ZSWIM4: variants seen among roughly 807,000 people sequenced by gnomAD.
The protein encoded by ZSWIM4 is zinc finger SWIM-type containing 4, also known as zinc finger SWIM domain-containing protein 4.
In ZSWIM4, 62 loss-of-function variants were observed where a neutral mutation model predicts 102.5. The observed-to-expected ratio is 0.60, with a 90% CI of 0.49 to 0.75. The LOEUF is 0.75. Ranked by LOEUF, ZSWIM4 falls within the 30% of genes least tolerant of loss-of-function variation. ZSWIM4 has a pLI of 0.00. For missense variants in ZSWIM4, 1,280 were observed against 1,529.6 expected (o/e 0.84, Z 2.72); for synonymous variants, 652 against 674.5 (o/e 0.97, Z 0.52).
chr19:13,817,901 G>A lies in ZSWIM4; in HGVS notation c.1849G>A (p.Ala617Thr), dbSNP rs902321965. 1.3e-6 allele frequency: 2 copies of A among 1,549,038 alleles called. No homozygotes were observed. Among genetic ancestry groups the A allele is most frequent in the Admixed American group, 2.0e-5 (1 of 50,818 alleles). Residue 617 changes from alanine (A) to threonine (T), a missense_variant, in exon 9 of 14, where the codon GCC becomes ACC. Coordinates refer to ENST00000590508, the MANE Select transcript of ZSWIM4 (RefSeq NM_001367834.3). The stretch of plus-strand genomic sequence containing the variant: ...GGTGCGCAACGAGGAGCAGCTGCTG[G>A]CCCTGCTGGAGGAGGTGGAGTTGGA... ...KVVRNEEQLLALLEEVELDER... is the reference protein window; with the variant it reads ...KVVRNEEQLLTLLEEVELDER...
In ZSWIM4 at chr19:13,817,763, C is replaced by T; in HGVS notation, c.1711C>T (p.Pro571Ser). Residue 571 changes from proline to serine, a missense_variant, in exon 9 of 14, where the codon CCT (proline) becomes TCT (serine). Pro to Ser is a moderately conservative substitution (Grantham distance 74). Transcript: ENST00000590508. The part of the protein sequence containing the change: ...EKRKVAYQHV[P>S]VPGSPGESYL... Reference sequence around the variant, plus strand: ...GCGGAAGGTGGCCTACCAGCACGTGCCTGTGCCCGGGAGCCCTGGGGAGTC... The same window carrying T: ...GCGGAAGGTGGCCTACCAGCACGTGTCTGTGCCCGGGAGCCCTGGGGAGTC... 1 of 1,604,766 alleles carries T rather than the reference C, an allele frequency of 6.2e-7. No individual in the cohort carries two copies. The highest frequency in any genetic ancestry group is 8.5e-7 in the Non-Finnish European group (1 of 1,176,796).
chr19:13,830,713 T>C lies in ZSWIM4; in HGVS notation c.2984T>C (p.Met995Thr), dbSNP rs998118741. The C allele has an allele frequency of 5.0e-6, 8 of 1,608,342 alleles. No homozygotes were observed. Among genetic ancestry groups the C allele is most frequent in the East Asian group, 2.2e-5 (1 of 44,810 alleles). The change falls in exon 14 of 14, where the codon ATG (methionine) becomes ACG (threonine). Residue 995 changes from methionine to threonine, a missense_variant. By Grantham distance (81) the Met-to-Thr change is moderately conservative. Transcript: ENST00000590508. ...ATTCGCAGCATCCACTGTGCCCCAA[T>C]GCTGTCCGATATTCTGCGCCGCTGG... is the stretch of plus-strand genomic sequence containing the variant. ...LIIRSIHCAPMLSDILRRWTL... is the reference protein window; with the variant it reads ...LIIRSIHCAPTLSDILRRWTL...
At chr19:13,820,534 C>G (rs1975434693) in intron 10 of ZSWIM4, among the ~76,000 whole-genome samples, 1 of 152,184 alleles carries the variant, frequency 6.6e-6, no homozygotes, top group Non-Finnish European at 1.5e-5. Flanking sequence ...CTGCACCTGG[C>G]TAAATGTGTA....
chr19:13,825,586 T>A lies in ZSWIM4; in HGVS notation c.2252T>A (p.Ile751Asn). 6.2e-7 allele frequency: 1 copy of A among 1,614,172 alleles called. No individual in the cohort carries two copies. The highest frequency in any genetic ancestry group is 8.5e-7 in the Non-Finnish European group (1 of 1,180,028). ...PKWLHTVLGS[I>N]QQNIHSPALL... is the part of the protein sequence containing the mutation. The stretch of plus-strand genomic sequence containing the variant: ...TGGCTGCACACGGTACTGGGCTCCA[T>A]CCAGCAGAACATCCACTCTCCGGCC... The change falls in exon 12 of 14, where the codon ATC becomes AAC. Residue 751 changes from isoleucine to asparagine, a missense_variant. Coordinates refer to ENST00000590508, the MANE Select transcript of ZSWIM4 (RefSeq NM_001367834.3). The surrounding 1 kb of genome is among the most constrained non-coding windows in gnomAD (Gnocchi z 4.6).
chr19:13,814,220 G>A (rs1343077648), intron 6 of ZSWIM4, among the ~76,000 whole-genome samples: 2 of 151,644 alleles, frequency 1.3e-5, no homozygotes, highest in Admixed American at 1.3e-4. Flanking sequence ...CCACGCCAGG[G>A]TTAATTTTAG....
Position 13,830,607 on chromosome 19 carries a change from G to A in ZSWIM4, c.2878G>A (p.Ala960Thr). 2 of 1,600,038 alleles carry A rather than the reference G, an allele frequency of 1.2e-6. No homozygotes were observed. The highest frequency in any genetic ancestry group is 8.5e-7 in the Non-Finnish European group (1 of 1,179,786). ...CGCCTTCAACCAGGACAGCCACCCTGCCGTCAACGACGTGCTTTGGGCCTG... is the reference window on the plus strand; with the variant it reads ...CGCCTTCAACCAGGACAGCCACCCTACCGTCAACGACGTGCTTTGGGCCTG... ...SIAFNQDSHP[A>T]VNDVLWACSL... Residue 960 changes from alanine to threonine, a missense_variant, in exon 14 of 14, where the codon GCC (alanine) becomes ACC (threonine). By Grantham distance (58) the Ala-to-Thr change is moderately conservative. Coordinates refer to ENST00000590508, the MANE Select transcript of ZSWIM4 (RefSeq NM_001367834.3).
intron 13 of ZSWIM4, 69 bp downstream of exon 13, chr19:13,828,795 C>G (rs1975680025): frequency 6.8e-7 from 1 of 1,479,882 alleles, no homozygotes; most frequent in South Asian, 1.1e-5. Flanking sequence ...CTGAGAGAAC[C>G]AGGCAGACAA....
At chr19:13,827,905 C>T (rs1361480985) in intron 12 of ZSWIM4, among the ~76,000 whole-genome samples, 2 of 152,122 alleles carry the variant, frequency 1.3e-5, no homozygotes, top group Non-Finnish European at 2.9e-5. Context: ...GAGGAGCCAA[C>T]AGGAAGCATG....
At chr19:13,829,626 C>T (rs751776931) in intron 13 of ZSWIM4, among the ~76,000 whole-genome samples, 8 of 151,690 alleles carry the variant, frequency 5.3e-5, no homozygotes, top group Non-Finnish European at 7.4e-5. Flanking sequence ...AGATTGAGAC[C>T]ATCCTGGCTA....
At chr19:13,820,807 A>T (rs1207815195) in intron 10 of ZSWIM4, among the ~76,000 whole-genome samples, 1 of 151,220 alleles carries the variant, frequency 6.6e-6, no homozygotes, top group Admixed American at 6.7e-5. Flanking sequence ...ATCTTACAGG[A>T]TTTGTCTTAT....
Position 13,809,299 on chromosome 19 carries a change from C to T in ZSWIM4, c.1012+79C>T, listed in dbSNP as rs1975011202. 6.7e-7 allele frequency: 1 copy of T among 1,494,060 alleles called. No homozygotes were observed. Among genetic ancestry groups the T allele is most frequent in the African/African-American group, 1.4e-5 (1 of 71,608 alleles). The allele number at this position is 1,494,060 out of a possible 1,614,324, so 92.6% of individuals were successfully genotyped here. On this transcript the variant is annotated intron_variant, in intron 5 of 13. Transcript: ENST00000590508. This position sits in a 1 kb window ranked among gnomAD's most constrained non-coding sequence, Gnocchi z 4.2. ...GGCTGGCCCACTCCAAGATTAGGGTCTGTTCCCTGAATCCGCCCTCCATTC... is the reference window on the plus strand; with the variant it reads ...GGCTGGCCCACTCCAAGATTAGGGTTTGTTCCCTGAATCCGCCCTCCATTC...
rs1449347120 is a variant in ZSWIM4 at position 13,804,989 on chromosome 19, C to T, written c.553C>T (p.Arg185Trp). Residue 185 changes from arginine to tryptophan, a missense_variant, in exon 3 of 14, where the codon CGG becomes TGG. Physicochemically the swap from Arg to Trp is moderately radical, Grantham distance 101. Coordinates refer to ENST00000590508, the MANE Select transcript of ZSWIM4 (RefSeq NM_001367834.3). ...TCGGCACGCCCACCAGGTGGAGCTGCGGCTGCCCATCTCCGAGACGCTCTC... is the reference window on the plus strand; with the variant it reads ...TCGGCACGCCCACCAGGTGGAGCTGTGGCTGCCCATCTCCGAGACGCTCTC... ...RIRHAHQVEL[R>W]LPISETLSQM... The T allele has an allele frequency of 1.2e-6, 2 of 1,612,636 alleles. No individual in the cohort carries two copies. The highest frequency in any genetic ancestry group is 1.7e-5 in the Admixed American group (1 of 59,986).
At position 13,809,911 on chromosome 19, in the gene ZSWIM4, CCT is replaced by C. The variant is rs1453663601; in HGVS notation, c.1012+695_1012+696del. On this transcript the variant is annotated intron_variant, in intron 5 of 13. Coordinates refer to ENST00000590508, the MANE Select transcript of ZSWIM4 (RefSeq NM_001367834.3). The surrounding 1 kb of genome is among the most constrained non-coding windows in gnomAD (Gnocchi z 4.2). The stretch of plus-strand genomic sequence containing the variant: ...GGCTCAAGTGATCCTCTGGCCTTGG[CCT>C]CTCAAAGTGCTGGGATGACAGGCAT... Among the ~76,000 whole-genome samples, 2 of 152,274 alleles carry C rather than the reference CCT, an allele frequency of 1.3e-5. No homozygotes were observed. Among genetic ancestry groups the C allele is most frequent in the Admixed American group, 1.3e-4 (2 of 15,280 alleles).
At chr19:13,823,589 C>G (rs2145365328) in intron 11 of ZSWIM4, 89 bp downstream of exon 11, 1 of 1,453,860 alleles carries the variant, frequency 6.9e-7, no homozygotes, top group Non-Finnish European at 9.3e-7. Flanking sequence ...CTCCTCTTAT[C>G]CTTTCACAAA....
At chr19:13,798,566 G>T (rs560046102) in intron 1 of ZSWIM4, among the ~76,000 whole-genome samples, 5 of 152,158 alleles carry the variant, frequency 3.3e-5, no homozygotes, top group African/African-American at 9.7e-5. Flanking sequence ...GAGGGAAACC[G>T]CAAGAAAGTT....
chr19:13,816,044 G>C (rs550722035), intron 7 of ZSWIM4, among the ~76,000 whole-genome samples: 1 of 146,988 alleles, frequency 6.8e-6, no homozygotes, highest in South Asian at 2.3e-4. Context: ...TGGGGGGAGA[G>C]AGAGGGGAAG....
chr19:13,814,091 C>G (rs1035338535), intron 6 of ZSWIM4, among the ~76,000 whole-genome samples: 1 of 145,370 alleles, frequency 6.9e-6, no homozygotes, highest in Admixed American at 6.9e-5. Context: ...CAGTCTCACT[C>G]TGATGCCCAG....
chr19:13,824,750 A>AATG (rs1401200287), intron 11 of ZSWIM4, among the ~76,000 whole-genome samples: 1 of 61,758 alleles, frequency 1.6e-5, no homozygotes, highest in Non-Finnish European at 3.0e-5. Flanking sequence ...TAATAATAAT[A>AATG]ATAATAATAA....
At position 13,823,518 on chromosome 19, in the gene ZSWIM4, C is replaced by G; in HGVS notation, c.2215+18C>G. The stretch of plus-strand genomic sequence containing the variant: ...CGCCAAGGGTGAGGCTGGCAGCTGT[C>G]CCGATTCCTTTGTCTTCCTCCTCTG... On this transcript the variant is annotated intron_variant, in intron 11 of 13. Coordinates refer to ENST00000590508, the MANE Select transcript of ZSWIM4 (RefSeq NM_001367834.3). The G allele has an allele frequency of 6.4e-7, 1 of 1,554,910 alleles. No homozygotes were observed. The highest frequency in any genetic ancestry group is 8.7e-7 in the Non-Finnish European group (1 of 1,148,458).
Sources: allele counts gnomAD v4.1 joint callset (sites outside exome capture counted in the v4.1 genomes callset), GRCh38; gene constraint gnomAD v4.1.1; non-coding constraint Gnocchi (gnomAD v3.1); transcripts MANE v1.5; gene names NCBI Gene and HGNC (gene_info 2026-07-23, HGNC 2026-07-21).